ATP11C: variants seen among roughly 807,000 people sequenced by gnomAD.
ATP11C encodes the protein ATPase phospholipid transporting 11C (ATP11C blood group).
ATP11C carries 36 observed loss-of-function variants against 97.4 expected under a neutral mutation model. The observed-to-expected ratio is 0.37, with a 90% CI of 0.28 to 0.49. The LOEUF (loss-of-function observed/expected upper bound fraction) is 0.49. ATP11C is among the 20% of genes least tolerant of loss of function. ATP11C has a pLI of 0.98. For missense variants in ATP11C, 730 were observed against 824.6 expected (o/e 0.89, Z 1.40); for synonymous variants, 275 against 290.9 (o/e 0.95, Z 0.56).
At position 139,926,529 on chromosome X, in the gene ATP11C, C is replaced by T. The variant is rs375502607; in HGVS notation, c.27+5487G>A. ...TTACCTCCTAGAACCCACTGCTCAG[C>T]AGGTGGTAAACTGGCAGCTTTTTGA... On this transcript the variant is annotated intron_variant, in intron 1 of 29. Transcript: ENST00000682941. 2.4e-4 allele frequency among the ~76,000 whole-genome samples: 27 copies of T among 111,804 alleles called. No homozygotes were observed. The East Asian group carries it at 6.5e-3, about 27-fold the overall frequency.
At chrX:139,831,916 C>T (rs1314936934) in intron 1 of ATP11C, among the ~76,000 whole-genome samples, 1 of 110,755 alleles carries the variant, frequency 9.0e-6, no homozygotes, top group Admixed American at 9.7e-5. Context: ...TCACCCTACC[C>T]ATCTCTACAC....
chrX:139,788,796 A>G (rs2082630763), intron 13 of ATP11C, among the ~76,000 whole-genome samples: 1 of 112,407 alleles, frequency 8.9e-6, no homozygotes, highest in Non-Finnish European at 1.9e-5. Context: ...CATACAGACA[A>G]GCAAGCTTTT....
intron 1 of ATP11C, among the ~76,000 whole-genome samples, chrX:139,842,024 TTTTTG>T (rs921051573): frequency 8.7e-4 from 97 of 111,562 alleles, no homozygotes; most frequent in East Asian, 1.7e-3. Flanking sequence ...TGAGCAGGTT[TTTTTG>T]TTTTGTTTTG....
intron 23 of ATP11C, 64 bp from the exon 24 acceptor site, chrX:139,750,216 C>G: frequency 1.9e-6 from 2 of 1,032,873 alleles, no homozygotes; most frequent in Non-Finnish European, 2.6e-6. Context: ...CAAGATGATA[C>G]TTATGTATGT....
chrX:139,863,766 A>G (rs1172099641), intron 1 of ATP11C, among the ~76,000 whole-genome samples: 1 of 111,331 alleles, frequency 9.0e-6, no homozygotes, highest in Admixed American at 9.6e-5. Context: ...TTTTTTAAGA[A>G]TCAAGTATTA....
chrX:139,877,269 T>C (rs973921564), intron 1 of ATP11C, among the ~76,000 whole-genome samples: 3 of 112,341 alleles, frequency 2.7e-5, no homozygotes, highest in Admixed American at 9.5e-5. Context: ...GTGGATTTCC[T>C]TGTAACACCT....
chrX:139,835,685 G>A (rs956537887), intron 1 of ATP11C, among the ~76,000 whole-genome samples: 6 of 107,705 alleles, frequency 5.6e-5, no homozygotes, highest in Non-Finnish European at 1.2e-4. Context: ...GATTACAGCC[G>A]TGAGCCACCG....
At chrX:139,763,691 G>A (rs1190244892) in intron 20 of ATP11C, among the ~76,000 whole-genome samples, 1 of 112,085 alleles carries the variant, frequency 8.9e-6, no homozygotes, top group Non-Finnish European at 1.9e-5. Context: ...CTGTCATACT[G>A]TATTGTTTTA....
intron 23 of ATP11C, among the ~76,000 whole-genome samples, chrX:139,751,099 G>GCTA (rs753666712): frequency 8.0e-5 from 9 of 112,220 alleles, no homozygotes; most frequent in Non-Finnish European, 1.7e-4. Flanking sequence ...TCAATCAATG[G>GCTA]CTACTAAAGA....
chrX:139,796,736 C>T (rs779968856), intron 11 of ATP11C, among the ~76,000 whole-genome samples: 24 of 111,015 alleles, frequency 2.2e-4, no homozygotes, highest in Admixed American at 4.8e-4. Context: ...GTTCTCTTTG[C>T]TCACTCCACC....
intron 19 of ATP11C, 41 bp downstream of exon 19, chrX:139,774,649 A>G (rs1194847977): frequency 1.8e-6 from 2 of 1,121,242 alleles, no homozygotes; most frequent in Admixed American, 2.3e-5. Flanking sequence ...ATTTACATCT[A>G]CACCAATGTC....
chrX:139,775,703 C>T (rs1057246035), intron 18 of ATP11C, among the ~76,000 whole-genome samples: 1 of 112,756 alleles, frequency 8.9e-6, no homozygotes, highest in African/African-American at 3.2e-5. Flanking sequence ...AACCCCTCTG[C>T]CCTCCTTACC....
chrX:139,871,165 C>G (rs2084370289), intron 1 of ATP11C, among the ~76,000 whole-genome samples: 1 of 108,078 alleles, frequency 9.3e-6, no homozygotes, highest in Non-Finnish European at 1.9e-5. Context: ...AGAAACTGAA[C>G]AGGGCTTTGA....
intron 1 of ATP11C, among the ~76,000 whole-genome samples, chrX:139,827,967 C>G (rs1211881074): frequency 9.0e-6 from 1 of 111,723 alleles, no homozygotes; most frequent in Non-Finnish European, 1.9e-5. Context: ...CCCCCAAGTA[C>G]AGATAAAACC....
At chrX:139,792,743 G>A (rs1433030842) in intron 12 of ATP11C, among the ~76,000 whole-genome samples, 2 of 111,950 alleles carry the variant, frequency 1.8e-5, no homozygotes, top group African/African-American at 6.5e-5. Flanking sequence ...TAACTAACAT[G>A]TAGGGGTTCC....
chrX:139,868,363 G>A (rs542671870), intron 1 of ATP11C, among the ~76,000 whole-genome samples: 1 of 110,855 alleles, frequency 9.0e-6, no homozygotes, highest in South Asian at 3.8e-4. Context: ...GCAACCTATG[G>A]AATGGGAGAA....
chrX:139,827,311 A>AAAT (rs2083551856), intron 1 of ATP11C, among the ~76,000 whole-genome samples: 1 of 112,395 alleles, frequency 8.9e-6, no homozygotes, highest in African/African-American at 3.2e-5. Flanking sequence ...TAAAGGTCAG[A>AAAT]AATAGAATGG....
intron 20 of ATP11C, among the ~76,000 whole-genome samples, chrX:139,766,035 T>G (rs775004485): frequency 1.8e-5 from 2 of 111,475 alleles, no homozygotes; most frequent in Non-Finnish European, 3.8e-5. Flanking sequence ...AAAAAGAAGA[T>G]GCCAAGGAAA....
chrX:139,865,262 T>A (rs1250674212), intron 1 of ATP11C, among the ~76,000 whole-genome samples: 1 of 111,406 alleles, frequency 9.0e-6, no homozygotes, highest in Non-Finnish European at 1.9e-5. Flanking sequence ...TCCCAGCTAC[T>A]TGGGAGGCTC....
Sources: allele counts gnomAD v4.1 joint callset (sites outside exome capture counted in the v4.1 genomes callset), GRCh38; gene constraint gnomAD v4.1.1; transcripts MANE v1.5; gene names NCBI Gene and HGNC (gene_info 2026-07-23, HGNC 2026-07-21).